RORA: variants seen among roughly 807,000 people sequenced by gnomAD.
RORA encodes the protein nuclear receptor ROR-alpha.
In RORA, 7 loss-of-function variants were observed where a neutral mutation model predicts 69.5. The ratio of observed to expected loss-of-function variants is 0.10; its 90% CI spans 0.06 to 0.19. The LOEUF is 0.19. Among genes scored for constraint, RORA ranks in the 10% least tolerant of loss-of-function variants. The probability of loss-of-function intolerance (pLI) is 1.00; values close to 1 mark genes in which losing one functional copy is unlikely to be tolerated. For missense variants in RORA, 457 were observed against 663.0 expected (o/e 0.69, Z 3.41); for synonymous variants, 261 against 240.8 (o/e 1.08, Z -0.78).
intron 1 of RORA, among the ~76,000 whole-genome samples, chr15:61,036,651 ATG>A (rs929923092): frequency 5.7e-4 from 86 of 152,190 alleles, no homozygotes; most frequent in African/African-American, 2.0e-3. Context: ...CTCTCTAAAA[ATG>A]TTTTCATGTT....
intron 1 of RORA, among the ~76,000 whole-genome samples, chr15:61,018,520 T>C (rs1895384520): frequency 2.0e-5 from 3 of 152,156 alleles, no homozygotes; most frequent in Admixed American, 2.0e-4. Context: ...GTGTGTAGCG[T>C]AGTGAAAAAC....
intron 1 of RORA, among the ~76,000 whole-genome samples, chr15:60,929,142 T>C (rs1038185773): frequency 2.0e-5 from 3 of 152,148 alleles, no homozygotes; most frequent in African/African-American, 7.2e-5. Context: ...GAGCCATAAA[T>C]AACCCAATGA....
chr15:60,778,148 T>C (rs930540459), intron 1 of RORA, among the ~76,000 whole-genome samples: 2 of 152,242 alleles, frequency 1.3e-5, no homozygotes, highest in Non-Finnish European at 2.9e-5. Flanking sequence ...AATTATCCAA[T>C]GCTCAGTGCT....
chr15:60,853,885 G>A (rs960937038), intron 1 of RORA, among the ~76,000 whole-genome samples: 4 of 152,102 alleles, frequency 2.6e-5, no homozygotes, highest in African/African-American at 9.7e-5. Context: ...GTTTTCATCT[G>A]GAAATTTAAT....
chr15:60,840,275 C>T (rs1416903974), intron 1 of RORA, among the ~76,000 whole-genome samples: 1 of 152,224 alleles, frequency 6.6e-6, no homozygotes, highest in Non-Finnish European at 1.5e-5. Context: ...ATGCCTATTC[C>T]TCTGGTGCCT....
intron 1 of RORA, among the ~76,000 whole-genome samples, chr15:61,204,601 G>A (rs565281804): frequency 1.1e-3 from 175 of 152,274 alleles, no homozygotes; most frequent in Non-Finnish European, 2.2e-3. Context: ...ATGAGCAACC[G>A]GAATCCAATG....
intron 1 of RORA, among the ~76,000 whole-genome samples, chr15:60,782,500 C>T (rs184721042): frequency 6.6e-6 from 1 of 152,216 alleles, no homozygotes; most frequent in African/African-American, 2.4e-5. Flanking sequence ...TTGGTAAGTC[C>T]GTTTCTCTTG....
At chr15:60,694,915 T>G (rs955709017) in intron 1 of RORA, among the ~76,000 whole-genome samples, 21 of 152,244 alleles carry the variant, frequency 1.4e-4, no homozygotes, top group African/African-American at 4.6e-4. Context: ...ACCTCATTAA[T>G]GGACAACGTA....
At chr15:60,691,440 G>C (rs2070823667) in intron 1 of RORA, among the ~76,000 whole-genome samples, 1 of 152,142 alleles carries the variant, frequency 6.6e-6, no homozygotes, top group Non-Finnish European at 1.5e-5. Flanking sequence ...ACAAAAAATT[G>C]TTAACTGAGG....
intron 1 of RORA, among the ~76,000 whole-genome samples, chr15:60,866,446 A>T (rs1483339326): frequency 2.6e-5 from 4 of 152,374 alleles, no homozygotes; most frequent in South Asian, 4.1e-4. Flanking sequence ...GGATAAGAGA[A>T]TGAAGGCAAA....
At chr15:60,665,759 C>G (rs1231831205) in intron 2 of RORA, among the ~76,000 whole-genome samples, 1 of 152,112 alleles carries the variant, frequency 6.6e-6, no homozygotes, top group Non-Finnish European at 1.5e-5. Flanking sequence ...ACTGCAACCT[C>G]CATCTCCCGG....
intron 1 of RORA, among the ~76,000 whole-genome samples, chr15:60,952,279 T>C (rs1893132508): frequency 6.6e-6 from 1 of 152,074 alleles, no homozygotes; most frequent in African/African-American, 2.4e-5. Context: ...TAGGTATTGA[T>C]GGGACGTATT....
chr15:60,963,412 T>C (rs1195209380), intron 1 of RORA, among the ~76,000 whole-genome samples: 2 of 152,176 alleles, frequency 1.3e-5, no homozygotes, highest in Admixed American at 6.5e-5. Flanking sequence ...AGGTGGATGA[T>C]GGAAGCAATG....
intron 1 of RORA, among the ~76,000 whole-genome samples, chr15:61,005,025 T>C (rs1894870198): frequency 6.6e-6 from 1 of 152,232 alleles, no homozygotes; most frequent in African/African-American, 2.4e-5. Flanking sequence ...GTGCAGATTC[T>C]AGTGCAGCAA....
chr15:60,832,157 G>C (rs950381965), intron 1 of RORA, among the ~76,000 whole-genome samples: 2 of 152,170 alleles, frequency 1.3e-5, no homozygotes, highest in Non-Finnish European at 2.9e-5. Context: ...CTTTCTTGCA[G>C]CTTAGTGCAA....
At chr15:60,739,583 GT>G (rs34860976) in intron 1 of RORA, among the ~76,000 whole-genome samples, 9 of 149,266 alleles carry the variant, frequency 6.0e-5, no homozygotes, top group Non-Finnish European at 1.3e-4. Context: ...AAAAAAAAAA[GT>G]TTTTTTTAAA....
chr15:61,043,082 T>A (rs1180179374), intron 1 of RORA, among the ~76,000 whole-genome samples: 5 of 152,188 alleles, frequency 3.3e-5, no homozygotes, highest in Admixed American at 3.3e-4. Context: ...TTCTAAGAAC[T>A]TAAAAAGCGT....
intron 2 of RORA, chr15:60,630,311 C>G (rs2140650167): frequency 6.6e-6 from 1 of 152,296 alleles, no homozygotes; most frequent in South Asian, 2.1e-4. Context: ...GGAAAAGCCT[C>G]GGAAAGCATA....
At chr15:60,925,707 C>T (rs1157686623) in intron 1 of RORA, among the ~76,000 whole-genome samples, 1 of 152,228 alleles carries the variant, frequency 6.6e-6, no homozygotes, top group African/African-American at 2.4e-5. Flanking sequence ...CGTTTCTTCA[C>T]TGGAAGCATG....
Sources: allele counts gnomAD v4.1 joint callset (sites outside exome capture counted in the v4.1 genomes callset), GRCh38; gene constraint gnomAD v4.1.1; transcripts MANE v1.5; gene names NCBI Gene and HGNC (gene_info 2026-07-23, HGNC 2026-07-21).